Variants in GNLY observed in about 807,000 individuals in gnomAD.
GNLY encodes the protein T-cell activation protein 519.
A neutral mutation model predicts 18.5 loss-of-function variants in GNLY; 15 were observed. The ratio of observed to expected loss-of-function variants is 0.81; its 90% CI spans 0.54 to 1.25. The LOEUF (loss-of-function observed/expected upper bound fraction) is 1.25, where lower values mean the gene tolerates loss of function less well. Among genes scored for constraint, GNLY ranks in the 50% most tolerant of loss-of-function variants. The pLI, the probability that GNLY is intolerant of heterozygous loss-of-function variation, is 0.00. For missense variants in GNLY, 178 were observed against 186.9 expected (o/e 0.95, Z 0.28); for synonymous variants, 77 against 74.9 (o/e 1.03, Z -0.14).
intron 2 of GNLY, among the ~76,000 whole-genome samples, chr2:85,695,746 G>T (rs1269916576): frequency 6.6e-6 from 1 of 152,152 alleles, no homozygotes; most frequent in African/African-American, 2.4e-5. Context: ...GGTGTGGGAG[G>T]CTGTTTCTGG....
In GNLY at chr2:85,698,840, G is replaced by A; in HGVS notation, c.*266G>A. The A allele has an allele frequency of 7.0e-7, 1 of 1,423,864 alleles. No individual in the cohort carries two copies. The highest frequency in any genetic ancestry group is 1.4e-5 in the South Asian group (1 of 70,606). 88.2% of individuals were successfully genotyped at this position (1,423,864 alleles called of 1,614,324 possible). The stretch of plus-strand genomic sequence containing the variant: ...CTGTGTAGTCCTTCAATAAATGTCT[G>A]TCGTGTGTCCCATACACTGTTGTAG... On this transcript the variant is annotated 3_prime_UTR_variant, in exon 5 of 5. Coordinates refer to ENST00000263863, the MANE Select transcript of GNLY (RefSeq NM_006433.5).
intron 1 of GNLY, chr2:85,694,858 A>G (rs1268034906): frequency 6.5e-7 from 1 of 1,531,004 alleles, no homozygotes; most frequent in Non-Finnish European, 8.7e-7. Flanking sequence ...GTGAGAGAAC[A>G]AGATCTCTTC....
chr2:85,697,448 G>C, intron 3 of GNLY, 58 bp from the exon 4 acceptor site: 2 of 1,466,716 alleles, frequency 1.4e-6, no homozygotes, highest in Non-Finnish European at 1.9e-6. Flanking sequence ...CCTGCAGGGT[G>C]GCAGAGCTGG....
chr2:85,697,225 T>C (rs1219222690), intron 3 of GNLY: 2 of 396,728 alleles, frequency 5.0e-6, no homozygotes, highest in Non-Finnish European at 9.3e-6. Flanking sequence ...ATGGGCACCA[T>C]TCTCCACACA....
chr2:85,697,627 A>G lies in GNLY; in HGVS notation c.377A>G (p.Glu126Gly). Residue 126 changes from glutamate to glycine, a missense_variant, in exon 4 of 5, where the codon GAA becomes GGA. Physicochemically the swap from Glu to Gly is moderately conservative, Grantham distance 98 (BLOSUM62 -2). Transcript: ENST00000263863. ...GTTACCCAGGGCCTCGTGGCCGGAG[A>G]AACTGCCCAGCAGATCTGTGAGGAC... ...SRVTQGLVAG[E>G]TAQQICEDLR... 1 of 1,613,808 alleles carries G rather than the reference A, an allele frequency of 6.2e-7. No homozygotes were observed. Among genetic ancestry groups the G allele is most frequent in the East Asian group, 2.2e-5 (1 of 44,882 alleles).
At chr2:85,698,417 C>A in intron 4 of GNLY, 147 bp from the exon 5 acceptor site, 1 of 1,363,508 alleles carries the variant, frequency 7.3e-7, no homozygotes, top group Non-Finnish European at 1.0e-6. Context: ...CCTGCTCAGG[C>A]TGCCGACTGG....
rs1240982438 is a variant in GNLY at position 85,698,426 on chromosome 2, G to T, written c.428-138G>T. ...CCACAACCTGCTCAGGCTGCCGACT[G>T]GCTTCCAGGATGTGCCTCTGGGTGT... On this transcript the variant is annotated intron_variant, in intron 4 of 4. Coordinates refer to ENST00000263863, the MANE Select transcript of GNLY (RefSeq NM_006433.5). The T allele has an allele frequency of 2.1e-6, 3 of 1,448,908 alleles. No individual in the cohort carries two copies. The Admixed American group carries it at 5.0e-5, about 24-fold the overall frequency. The allele number at this position is 1,448,908 out of a possible 1,614,324, so 89.8% of individuals were successfully genotyped here.
intron 3 of GNLY, 194 bp from the exon 4 acceptor site, chr2:85,697,312 C>A: frequency 5.1e-6 from 3 of 585,116 alleles, no homozygotes; most frequent in East Asian, 5.8e-5. Context: ...CCCTACCTGG[C>A]CAGTCTTGGG....
chr2:85,697,961 G>A (rs1437744), intron 4 of GNLY, among the ~76,000 whole-genome samples: 64,987 of 152,116 alleles, frequency 0.43, 14,095 homozygotes, highest in East Asian at 0.59. Flanking sequence ...TCTGTGAAGG[G>A]GAGATAGCAA....
At chr2:85,698,423 A>G (rs1164105266) in intron 4 of GNLY, 141 bp from the exon 5 acceptor site, 5 of 1,420,814 alleles carry the variant, frequency 3.5e-6, no homozygotes, top group Non-Finnish European at 4.9e-6. Flanking sequence ...CAGGCTGCCG[A>G]CTGGCTTCCA....
At chr2:85,696,658 G>A (rs1321741752) in intron 3 of GNLY, 1 of 152,040 alleles carries the variant, frequency 6.6e-6, no homozygotes, top group Non-Finnish European at 1.5e-5. Context: ...TCCTGTCTAA[G>A]CCTCCTGAGT....
rs1263463570 is a variant in GNLY at position 85,698,650 on chromosome 2, G to A, written c.*76G>A. The A allele has an allele frequency of 6.2e-7, 1 of 1,610,768 alleles. No homozygotes were observed. Among genetic ancestry groups the A allele is most frequent in the Non-Finnish European group, 8.5e-7 (1 of 1,178,394 alleles). On this transcript the variant is annotated 3_prime_UTR_variant, in exon 5 of 5. Transcript: ENST00000263863. ...CCGGGAACCTCAGCAACCTCTGCCG[G>A]CTCCTCGCTTCCTCGATCCAGAATC...
chr2:85,695,379 G>C lies in GNLY; in HGVS notation c.112G>C (p.Asp38His). The C allele has an allele frequency of 6.2e-7, 1 of 1,614,002 alleles. No individual in the cohort carries two copies. Among genetic ancestry groups the C allele is most frequent in the Non-Finnish European group, 8.5e-7 (1 of 1,179,802 alleles). The change falls in exon 2 of 5, where the codon GAT becomes CAT. Residue 38 changes from aspartate to histidine, a missense_variant. Coordinates refer to ENST00000263863, the MANE Select transcript of GNLY (RefSeq NM_006433.5). ...CGACCTGGCAAGAGCCCACCTGCGTGATGAGGAGAAATCCTGCCCGTGCCT... is the reference window on the plus strand; with the variant it reads ...CGACCTGGCAAGAGCCCACCTGCGTCATGAGGAGAAATCCTGCCCGTGCCT... ...YYDLARAHLR[D>H]EEKSCPCLAQ...
chr2:85,697,400 C>A (rs564397262), intron 3 of GNLY, 106 bp from the exon 4 acceptor site: 3 of 983,828 alleles, frequency 3.0e-6, no homozygotes, highest in East Asian at 4.8e-5. Flanking sequence ...GGTGCCAGCT[C>A]CTCGCACCCA....
At chr2:85,697,313 C>T (rs542590095) in intron 3 of GNLY, 193 bp from the exon 4 acceptor site, 1 of 586,190 alleles carries the variant, frequency 1.7e-6, no homozygotes, top group African/African-American at 1.9e-5. Flanking sequence ...CCTACCTGGC[C>T]AGTCTTGGGC....
chr2:85,696,113 G>A, intron 3 of GNLY, 57 bp downstream of exon 3: 2 of 1,024,364 alleles, frequency 2.0e-6, no homozygotes, highest in Non-Finnish European at 3.0e-6. Flanking sequence ...GGGCCAGCCT[G>A]TGACCAGGTC....
chr2:85,695,772 C>G (rs1678419120), intron 2 of GNLY, among the ~76,000 whole-genome samples, 186 bp from the exon 3 acceptor site: 1 of 152,138 alleles, frequency 6.6e-6, no homozygotes, highest in African/African-American at 2.4e-5. Flanking sequence ...CTCAGAGCCT[C>G]TAAGACAAGC....
At chr2:85,695,273 C>T (rs73943271) in intron 1 of GNLY, 47 bp from the exon 2 acceptor site, 8 of 1,371,282 alleles carry the variant, frequency 5.8e-6, no homozygotes, top group Middle Eastern at 1.8e-4. Flanking sequence ...CGGGCTTTCC[C>T]TCTCCTTCCG....
chr2:85,696,342 A>C, intron 3 of GNLY: 1 of 356,536 alleles, frequency 2.8e-6, no homozygotes, highest in Non-Finnish European at 5.2e-6. Flanking sequence ...TCTTCCCCTA[A>C]AGCCCTAACA....
Sources: allele counts gnomAD v4.1 joint callset (sites outside exome capture counted in the v4.1 genomes callset), GRCh38; gene constraint gnomAD v4.1.1; transcripts MANE v1.5; gene names NCBI Gene and HGNC (gene_info 2026-07-23, HGNC 2026-07-21).